RHOH: variants seen among roughly 807,000 people sequenced by gnomAD.
The protein encoded by RHOH is rho-related GTP-binding protein RhoH.
In RHOH, 6 loss-of-function variants were observed where a neutral mutation model predicts 13.8. The observed-to-expected ratio is 0.44, with a 90% CI of 0.24 to 0.86. The LOEUF (loss-of-function observed/expected upper bound fraction) is 0.86, where lower values mean the gene tolerates loss of function less well. RHOH is among the 40% of genes least tolerant of loss of function. The probability of loss-of-function intolerance (pLI) is 0.24; values close to 1 mark genes in which losing one functional copy is unlikely to be tolerated. For synonymous variants in RHOH, 117 were observed against 103.0 expected (o/e 1.14, Z -0.82); for missense variants, 147 against 244.5 (o/e 0.60, Z 2.66).
chr4:40,223,558 G>A (rs1048173273), intron 1 of RHOH, among the ~76,000 whole-genome samples: 13 of 147,470 alleles, frequency 8.8e-5, no homozygotes, highest in African/African-American at 5.0e-5. Flanking sequence ...GTAGCCTCCC[G>A]GAGTCAAGTG....
At chr4:40,193,689 G>GAA (rs922958783), upstream of RHOH, 1 of 152,356 alleles carries the variant, frequency 6.6e-6, no homozygotes, top group African/African-American at 2.4e-5. Context: ...GGAGCAGGAG[G>GAA]AAGCCCAACG....
intron 1 of RHOH, among the ~76,000 whole-genome samples, chr4:40,217,045 A>G (rs934471425): frequency 2.6e-5 from 4 of 152,228 alleles, no homozygotes; most frequent in Non-Finnish European, 5.9e-5. Context: ...CACAGTCCAA[A>G]TCACTGGAAT....
At chr4:40,210,971 A>G (rs1184926413) in intron 1 of RHOH, among the ~76,000 whole-genome samples, 1 of 152,260 alleles carries the variant, frequency 6.6e-6, no homozygotes, top group Non-Finnish European at 1.5e-5. Flanking sequence ...CCTGAAGCTT[A>G]CGTATTATCT....
chr4:40,244,883 T>A lies in RHOH; in HGVS notation c.*921T>A, dbSNP rs1729666045. 6.1e-6 allele frequency: 1 copy of A among 163,890 alleles called. No homozygotes were observed. The highest frequency in any genetic ancestry group is 2.0e-4 in the South Asian group (1 of 4,930). 10.2% of individuals were successfully genotyped at this position (163,890 alleles called of 1,614,324 possible). A position where few individuals can be genotyped will look rare whatever the true frequency, so the allele number is the denominator to read the frequency against. On this transcript the variant is annotated 3_prime_UTR_variant, in exon 3 of 3. Coordinates refer to ENST00000381799, the MANE Select transcript of RHOH (RefSeq NM_004310.5). ...ACAGGGGTCTCAAAGTTCTGTTAAT[T>A]TCACAAATTTGTTATAAATTTGTCT...
chr4:40,197,352 T>C (rs2109339980), intron 1 of RHOH, 52 bp downstream of exon 1: 1 of 152,296 alleles, frequency 6.6e-6, no homozygotes, highest in South Asian at 2.1e-4. Flanking sequence ...AAGAAATTTT[T>C]CTAATTTTAT....
rs182124092 is a variant in RHOH at position 40,219,304 on chromosome 4, T to C, written c.-331+22004T>C. Among the ~76,000 whole-genome samples, 706 of 149,576 alleles carry C rather than the reference T, an allele frequency of 4.7e-3. 8 individuals carry two copies. Among genetic ancestry groups the C allele is most frequent in the African/African-American group, 0.016 (664 of 40,446 alleles). ...GCACATGCCTGAAGTCCCAGCTACA[T>C]GGGAGGCTGAGGCAGGCGAATCACT... On this transcript the variant is annotated intron_variant, in intron 1 of 2. Transcript: ENST00000381799.
At chr4:40,216,011 G>A (rs940308829) in intron 1 of RHOH, among the ~76,000 whole-genome samples, 1 of 151,980 alleles carries the variant, frequency 6.6e-6, no homozygotes, top group African/African-American at 2.4e-5. Flanking sequence ...TGTCATCCTT[G>A]CCCCATGAAG....
At chr4:40,195,954 T>C (rs533956710), upstream of RHOH, among the ~76,000 whole-genome samples, 12 of 152,330 alleles carry the variant, frequency 7.9e-5, no homozygotes, top group Admixed American at 2.6e-4. Context: ...GCAAGCACAG[T>C]CATCTGCTTT....
chr4:40,217,154 C>T (rs1725986635), intron 1 of RHOH, among the ~76,000 whole-genome samples: 1 of 152,216 alleles, frequency 6.6e-6, no homozygotes, highest in East Asian at 1.9e-4. Flanking sequence ...CCTACTGAGA[C>T]TTGCTCCTCT....
chr4:40,239,507 G>C (rs1311004270), intron 1 of RHOH, among the ~76,000 whole-genome samples: 2 of 152,182 alleles, frequency 1.3e-5, no homozygotes, highest in African/African-American at 4.8e-5. Flanking sequence ...TGTTATTTGA[G>C]AATGTTATTA....
chr4:40,191,928 G>A (rs1560672441), upstream of RHOH, among the ~76,000 whole-genome samples: 1 of 150,866 alleles, frequency 6.6e-6, no homozygotes, highest in African/African-American at 2.4e-5. Flanking sequence ...CCTGGTTAGG[G>A]AGGCTGGTTT....
chr4:40,226,526 CAAAAA>C (rs892642366), intron 1 of RHOH, among the ~76,000 whole-genome samples: 2 of 133,068 alleles, frequency 1.5e-5, no homozygotes, highest in African/African-American at 5.8e-5. Context: ...AACTCCATCT[CAAAAA>C]AAAAAAAAAA....
chr4:40,246,935 A>G lies in RHOH; in HGVS notation c.*2973A>G, dbSNP rs1310972450. 6.6e-6 allele frequency: 1 copy of G among 152,210 alleles called. No individual in the cohort carries two copies. Among genetic ancestry groups the G allele is most frequent in the Non-Finnish European group, 1.5e-5 (1 of 68,040 alleles). 9.4% of individuals were successfully genotyped at this position (152,210 alleles called of 1,614,324 possible). The stretch of plus-strand genomic sequence containing the variant: ...ACTATTCCAAGTAGCAGCATTAAAT[A>G]TGTTCTTGATGACATTAAAGAGTTA... On this transcript the variant is annotated 3_prime_UTR_variant, in exon 3 of 3. Coordinates refer to ENST00000381799, the MANE Select transcript of RHOH (RefSeq NM_004310.5).
chr4:40,199,360 C>A (rs1723663425), intron 1 of RHOH, among the ~76,000 whole-genome samples: 1 of 152,358 alleles, frequency 6.6e-6, no homozygotes, highest in Non-Finnish European at 1.5e-5. Context: ...CTAATCCCAA[C>A]ATTCCTTTCC....
Position 40,199,611 on chromosome 4 carries a change from C to T in RHOH, c.-331+2311C>T, listed in dbSNP as rs80139121. 7.3e-3 allele frequency among the ~76,000 whole-genome samples: 1,112 copies of T among 152,264 alleles called. 13 individuals carry two copies. Among genetic ancestry groups the T allele is most frequent in the African/African-American group, 0.026 (1,071 of 41,538 alleles). Reference sequence around the variant, plus strand: ...TCCTTGGTTGACGTCGCTCTCTGAACGCTTGGGGTGGAATTCTAGAGGTGC... The same window carrying T: ...TCCTTGGTTGACGTCGCTCTCTGAATGCTTGGGGTGGAATTCTAGAGGTGC... On this transcript the variant is annotated intron_variant, in intron 1 of 2. Transcript: ENST00000381799.
chr4:40,223,235 G>C (rs1726795248), intron 1 of RHOH, among the ~76,000 whole-genome samples: 1 of 152,202 alleles, frequency 6.6e-6, no homozygotes, highest in South Asian at 2.1e-4. Flanking sequence ...GGTTTGAGAG[G>C]ATTAGCTCTA....
At chr4:40,195,797 C>T (rs549599894), upstream of RHOH, among the ~76,000 whole-genome samples, 48 of 152,276 alleles carry the variant, frequency 3.2e-4, no homozygotes, top group African/African-American at 1.1e-3. Context: ...TCAGAAGGCT[C>T]GAGGATCTCA....
At chr4:40,204,825 G>A (rs1334828539) in intron 1 of RHOH, among the ~76,000 whole-genome samples, 1 of 152,196 alleles carries the variant, frequency 6.6e-6, no homozygotes, top group Non-Finnish European at 1.5e-5. Context: ...TTTCCCTTCA[G>A]ATAACATATG....
At chr4:40,215,951 T>C (rs1725826284) in intron 1 of RHOH, among the ~76,000 whole-genome samples, 1 of 151,576 alleles carries the variant, frequency 6.6e-6, no homozygotes, top group Non-Finnish European at 1.5e-5. Flanking sequence ...AATATATATA[T>C]TGGGGTCCAT....
Sources: allele counts gnomAD v4.1 joint callset (sites outside exome capture counted in the v4.1 genomes callset), GRCh38; gene constraint gnomAD v4.1.1; transcripts MANE v1.5; gene names NCBI Gene and HGNC (gene_info 2026-07-23, HGNC 2026-07-21).